Variants in DOK6 observed in about 807,000 individuals in gnomAD.
DOK6 encodes docking protein 6.
DOK6 carries 22 observed loss-of-function variants against 44.0 expected under a neutral mutation model. The ratio of observed to expected loss-of-function variants is 0.50; its 90% CI spans 0.36 to 0.71. DOK6 has a LOEUF of 0.71. Among genes scored for constraint, DOK6 ranks in the 30% least tolerant of loss-of-function variants. DOK6 has a pLI of 0.00. For missense variants in DOK6, 340 were observed against 416.4 expected (o/e 0.82, Z 1.60); for synonymous variants, 166 against 145.5 (o/e 1.14, Z -1.01).
At chr18:69,748,168 G>C (rs527868261) in intron 6 of DOK6, among the ~76,000 whole-genome samples, 36 of 152,178 alleles carry the variant, frequency 2.4e-4, no homozygotes, top group African/African-American at 8.4e-4. Flanking sequence ...TAATGGTAAA[G>C]GGGTCAATTT....
chr18:69,768,548 T>G (rs1023986609), intron 7 of DOK6, among the ~76,000 whole-genome samples: 17 of 151,352 alleles, frequency 1.1e-4, no homozygotes, highest in African/African-American at 4.1e-4. Context: ...TTCAACTAAA[T>G]GTTCCCCATC....
At chr18:69,476,589 C>T (rs943719260) in intron 1 of DOK6, among the ~76,000 whole-genome samples, 1 of 152,110 alleles carries the variant, frequency 6.6e-6, no homozygotes, top group African/African-American at 2.4e-5. Context: ...GAAGAGAAAG[C>T]AGGAGGTGGC....
intron 6 of DOK6, among the ~76,000 whole-genome samples, chr18:69,751,436 T>G (rs1420613826): frequency 6.6e-6 from 1 of 152,166 alleles, no homozygotes; most frequent in Non-Finnish European, 1.5e-5. Flanking sequence ...AACATGCTAA[T>G]CAGTCATTTG....
intron 1 of DOK6, among the ~76,000 whole-genome samples, chr18:69,529,160 A>G (rs1981917536): frequency 6.6e-6 from 1 of 152,246 alleles, no homozygotes; most frequent in Non-Finnish European, 1.5e-5. Flanking sequence ...TAGGTAATTT[A>G]CTGCATAACC....
At chr18:69,476,493 GAAA>G (rs1218697679) in intron 1 of DOK6, among the ~76,000 whole-genome samples, 1 of 151,686 alleles carries the variant, frequency 6.6e-6, no homozygotes, top group Non-Finnish European at 1.5e-5. Context: ...GTTCCCGGAG[GAAA>G]TCGATGGCAT....
Position 69,755,806 on chromosome 18 carries a change from T to C in DOK6, c.739-1950T>C, listed in dbSNP as rs150289092. Among the ~76,000 whole-genome samples the C allele has an allele frequency of 2.7e-3, 406 of 152,338 alleles. 2 individuals are homozygous for C. The highest frequency in any genetic ancestry group is 9.4e-3 in the African/African-American group (393 of 41,588). ...CCTTAGTTCAGCTAAATCCAGGTTC[T>C]TGTCTCACAACCAGGAAAAATTAGG... On this transcript the variant is annotated intron_variant, in intron 6 of 7. Transcript: ENST00000382713.
At position 69,549,016 on chromosome 18, in the gene DOK6, AC is replaced by A. The variant is rs544682142; in HGVS notation, c.67-15467del. Among the ~76,000 whole-genome samples, 1,055 of 148,728 alleles carry A rather than the reference AC, an allele frequency of 7.1e-3. 45 individuals are homozygous for A. The highest frequency in any genetic ancestry group is 0.018 in the South Asian group (83 of 4,566). ...AGGCTGAGGCAGGAGAATGGCGTGA[AC>A]CCCGGGTGACGGAGCCTGCAGTGAG... On this transcript the variant is annotated intron_variant, in intron 1 of 7. Transcript: ENST00000382713.
At chr18:69,790,777 T>C (rs1325026301) in intron 7 of DOK6, among the ~76,000 whole-genome samples, 1 of 152,298 alleles carries the variant, frequency 6.6e-6, no homozygotes. Context: ...CTTTTCTTCA[T>C]GTTACAAACA....
intron 3 of DOK6, among the ~76,000 whole-genome samples, chr18:69,602,598 A>T (rs1326414330): frequency 6.6e-6 from 1 of 152,254 alleles, no homozygotes; most frequent in Non-Finnish European, 1.5e-5. Context: ...TATCAATACT[A>T]GTTCATTAAT....
chr18:69,722,376 C>T (rs183013674), intron 5 of DOK6, among the ~76,000 whole-genome samples: 1 of 152,142 alleles, frequency 6.6e-6, no homozygotes, highest in Non-Finnish European at 1.5e-5. Flanking sequence ...ACTGTTTCAG[C>T]CTGGACATGT....
intron 2 of DOK6, among the ~76,000 whole-genome samples, chr18:69,586,786 A>T (rs1357401308): frequency 6.6e-6 from 1 of 152,168 alleles, no homozygotes; most frequent in African/African-American, 2.4e-5. Flanking sequence ...CCCGATACTG[A>T]CAGGGCTCGT....
intron 5 of DOK6, among the ~76,000 whole-genome samples, chr18:69,712,052 C>T (rs963688784): frequency 2.0e-5 from 3 of 151,312 alleles, no homozygotes; most frequent in Non-Finnish European, 2.9e-5. Flanking sequence ...GAGGCCGAGG[C>T]GGGCGGATCA....
At chr18:69,781,176 C>A (rs1417380283) in intron 7 of DOK6, 1 of 152,086 alleles carries the variant, frequency 6.6e-6, no homozygotes. Context: ...TTTTTCTAGA[C>A]TTCATCTGCA....
In DOK6 at chr18:69,553,732, C is replaced by T. The variant is rs142271602; in HGVS notation, c.67-10755C>T. Among the ~76,000 whole-genome samples the T allele has an allele frequency of 1.7e-3, 255 of 152,320 alleles. 1 individual carries two copies. The highest frequency in any genetic ancestry group is 5.9e-3 in the African/African-American group (246 of 41,574). On this transcript the variant is annotated intron_variant, in intron 1 of 7. Transcript: ENST00000382713. ...CAGTACAACCACTTACATACTCACT[C>T]CAGACTCCAATTGAAAATCCAGTCA... is the stretch of plus-strand genomic sequence containing the variant.
At chr18:69,743,727 G>T (rs1042987332) in intron 6 of DOK6, among the ~76,000 whole-genome samples, 5 of 151,534 alleles carry the variant, frequency 3.3e-5, no homozygotes, top group Non-Finnish European at 5.9e-5. Context: ...AAGTGTGGGG[G>T]GGATTGTCAG....
At chr18:69,430,905 G>T (rs1193265576) in intron 1 of DOK6, among the ~76,000 whole-genome samples, 1 of 152,204 alleles carries the variant, frequency 6.6e-6, no homozygotes, top group East Asian at 1.9e-4. Flanking sequence ...GACGGAGGTT[G>T]CAGTGAGCTG....
intron 1 of DOK6, among the ~76,000 whole-genome samples, chr18:69,461,594 G>A (rs1979790016): frequency 6.6e-6 from 1 of 152,006 alleles, no homozygotes. Flanking sequence ...TTAATGTTAT[G>A]CTTTCCTCCA....
At chr18:69,506,719 T>A (rs1042524702) in intron 1 of DOK6, among the ~76,000 whole-genome samples, 25 of 152,154 alleles carry the variant, frequency 1.6e-4, no homozygotes, top group African/African-American at 6.0e-4. Context: ...ATACATAAAT[T>A]GTGTGGGAAC....
In DOK6 at chr18:69,845,438, A is replaced by G. The variant is rs1225434676; in HGVS notation, c.*4055A>G. The G allele has an allele frequency of 6.6e-6, 1 of 152,164 alleles. No individual in the cohort carries two copies. The highest frequency in any genetic ancestry group is 1.5e-5 in the Non-Finnish European group (1 of 68,032). 9.4% of individuals were successfully genotyped at this position (152,164 alleles called of 1,614,324 possible). On this transcript the variant is annotated 3_prime_UTR_variant, in exon 8 of 8. Transcript: ENST00000382713. ...TGATCTCCCAAACACAGCCTTCTCA[A>G]AATCGATAAAAATTTGCCACTGAAT...
Sources: gnomAD v4.1 joint callset for allele counts (sites outside exome capture counted in the v4.1 genomes callset) on GRCh38, gnomAD v4.1.1 for gene constraint, MANE v1.5 for transcripts, NCBI Gene and HGNC (gene_info 2026-07-23, HGNC 2026-07-21) for gene names.